The following ASXL3 variants were observed in gnomAD, a reference collection of about 807,000 sequenced individuals.
ASXL3 encodes ASXL transcriptional regulator 3.
Under a neutral mutation model 170.6 loss-of-function variants are expected in ASXL3, and 34 were observed. That is an observed-to-expected ratio of 0.20 (90% confidence interval 0.15 to 0.27). ASXL3 has a LOEUF of 0.27. Ranked by LOEUF, ASXL3 falls within the 10% of genes least tolerant of loss-of-function variation. ASXL3 has a pLI of 1.00. For missense variants in ASXL3, 2,592 were observed against 2,695.3 expected, an observed-to-expected ratio of 0.96 and a Z score of 0.85; for synonymous variants, 1,002 against 989.1, an observed-to-expected ratio of 1.01 and a Z score of -0.24.
intron 8 of ASXL3, among the ~76,000 whole-genome samples, chr18:33,720,491 T>C (rs538874989): frequency 1.3e-5 from 2 of 152,250 alleles, no homozygotes; most frequent in African/African-American, 4.8e-5. Context: ...CCCCCTCTGC[T>C]ACACACAGAG....
intron 8 of ASXL3, among the ~76,000 whole-genome samples, chr18:33,716,594 T>G (rs879177192): frequency 6.6e-6 from 1 of 152,104 alleles, no homozygotes. Context: ...GTGTAGGTGT[T>G]TGGGATTGGT....
chr18:33,591,620 G>A (rs2065077967), intron 1 of ASXL3, among the ~76,000 whole-genome samples: 2 of 150,652 alleles, frequency 1.3e-5, no homozygotes, highest in Admixed American at 6.6e-5. Context: ...ATTTCCTTTC[G>A]ATCTTCTAAT....
rs147397681 is a variant in ASXL3 at position 33,731,199 on chromosome 18, T to C, written c.880-769T>C. ...AGGTGAAAATGGAGTGTAGAAAAGA[T>C]CAAAAACAAACAAAAAAGTGAGGAT... On this transcript the variant is annotated intron_variant, in intron 8 of 11. Coordinates refer to ENST00000269197, the MANE Select transcript of ASXL3 (RefSeq NM_030632.3). 2.3e-3 allele frequency among the ~76,000 whole-genome samples: 299 copies of C among 127,338 alleles called. 1 individual carries two copies. Among genetic ancestry groups the C allele is most frequent in the African/African-American group, 7.0e-3 (266 of 38,078 alleles). The allele number at this position is 127,338 out of a possible 152,430, so 83.5% of individuals were successfully genotyped here.
intron 2 of ASXL3, among the ~76,000 whole-genome samples, chr18:33,632,668 G>A (rs1047548452): frequency 1.3e-5 from 2 of 152,068 alleles, no homozygotes; most frequent in Admixed American, 6.6e-5. Context: ...GTTTTGTTTT[G>A]TTTTTTGTCT....
In ASXL3 at chr18:33,578,307, A is replaced by T. The variant is rs954989809; in HGVS notation, c.-325A>T. The T allele has an allele frequency of 6.9e-6, 1 of 145,378 alleles. No individual in the cohort carries two copies. The allele number at this position is 145,378 out of a possible 1,614,324, so 9.0% of individuals were successfully genotyped here. A position where few individuals can be genotyped will look rare whatever the true frequency, so the allele number is the denominator to read the frequency against. On this transcript the variant is annotated 5_prime_UTR_variant, in exon 1 of 12. Coordinates refer to ENST00000269197, the MANE Select transcript of ASXL3 (RefSeq NM_030632.3). ...GGCGGTGGCGCAGCGCGAGCCCCGCACGAGCGAGCCCGGCCGGCGCCGCCC... is the reference window on the plus strand; with the variant it reads ...GGCGGTGGCGCAGCGCGAGCCCCGCTCGAGCGAGCCCGGCCGGCGCCGCCC...
intron 7 of ASXL3, among the ~76,000 whole-genome samples, chr18:33,679,361 C>G (rs191515036): frequency 9.9e-5 from 15 of 152,218 alleles, no homozygotes; most frequent in Admixed American, 9.2e-4. Context: ...CAGACACCTA[C>G]ATACCCAACA....
chr18:33,650,075 G>T (rs2065974175), intron 4 of ASXL3, among the ~76,000 whole-genome samples: 1 of 151,980 alleles, frequency 6.6e-6, no homozygotes, highest in African/African-American at 2.4e-5. Flanking sequence ...TTTCTTTTTT[G>T]CACAAAGATG....
At chr18:33,695,536 T>C (rs2066759044) in intron 8 of ASXL3, among the ~76,000 whole-genome samples, 1 of 152,134 alleles carries the variant, frequency 6.6e-6, no homozygotes, top group Admixed American at 6.6e-5. Flanking sequence ...CTTAGCTAAC[T>C]GATATTTAAC....
intron 1 of ASXL3, among the ~76,000 whole-genome samples, chr18:33,589,687 A>G (rs1321624822): frequency 1.3e-5 from 2 of 152,210 alleles, no homozygotes; most frequent in Admixed American, 1.3e-4. Context: ...ACTTAGTGTC[A>G]TAGCCTCCTT....
chr18:33,622,690 C>T (rs2065533441), intron 2 of ASXL3, among the ~76,000 whole-genome samples: 2 of 152,072 alleles, frequency 1.3e-5, no homozygotes, highest in Admixed American at 1.3e-4. Flanking sequence ...GTTCTTATCC[C>T]AGTGGTCTCA....
chr18:33,679,012 G>A (rs2066474160), intron 7 of ASXL3, among the ~76,000 whole-genome samples: 1 of 152,120 alleles, frequency 6.6e-6, no homozygotes, highest in East Asian at 1.9e-4. Context: ...TTTGAACCAT[G>A]CTAAATAATA....
Position 33,671,885 on chromosome 18 carries a change from A to G in ASXL3, c.715+19A>G, listed in dbSNP as rs1455361667. The G allele has an allele frequency of 4.0e-6, 6 of 1,496,764 alleles. No homozygotes were observed. The highest frequency in any genetic ancestry group is 4.8e-5 in the East Asian group (2 of 41,462). The allele number at this position is 1,496,764 out of a possible 1,614,324, so 92.7% of individuals were successfully genotyped here. A position where few individuals can be genotyped will look rare whatever the true frequency, so the allele number is the denominator to read the frequency against. ...GGTTTAGGTGAGTGTTTAATAGACT[A>G]TGCCATTTCACATTTTAGAAATTTG... is the stretch of plus-strand genomic sequence containing the variant. On this transcript the variant is annotated intron_variant, in intron 7 of 11. Coordinates refer to ENST00000269197, the MANE Select transcript of ASXL3 (RefSeq NM_030632.3).
chr18:33,678,075 T>G (rs968164841), intron 7 of ASXL3, among the ~76,000 whole-genome samples: 3 of 141,884 alleles, frequency 2.1e-5, no homozygotes, highest in Admixed American at 6.9e-5. Context: ...ATTTATGTAT[T>G]TATTATTTAT....
At chr18:33,683,852 A>G (rs1359318601) in intron 8 of ASXL3, among the ~76,000 whole-genome samples, 3 of 152,196 alleles carry the variant, frequency 2.0e-5, no homozygotes, top group Admixed American at 6.5e-5. Context: ...CCATTATCAA[A>G]TAAATCTTTA....
chr18:33,671,276 G>A (rs1599473335), intron 6 of ASXL3, among the ~76,000 whole-genome samples: 1 of 152,096 alleles, frequency 6.6e-6, no homozygotes, highest in Admixed American at 6.5e-5. Context: ...TTTACCTTGT[G>A]TCACTTTATC....
chr18:33,607,553 C>T, intron 1 of ASXL3, 41 bp from the exon 2 acceptor site: 1 of 1,421,326 alleles, frequency 7.0e-7, no homozygotes, highest in Non-Finnish European at 9.7e-7. Context: ...ATTTTGTATG[C>T]TGCCATGCAA....
intron 1 of ASXL3, among the ~76,000 whole-genome samples, chr18:33,598,626 G>A (rs1599380256): frequency 6.6e-6 from 1 of 152,254 alleles, no homozygotes; most frequent in East Asian, 1.9e-4. Flanking sequence ...TCTCATTTTT[G>A]AAGCATTTCA....
chr18:33,653,129 G>T (rs1025876832), intron 4 of ASXL3, among the ~76,000 whole-genome samples: 2 of 152,028 alleles, frequency 1.3e-5, no homozygotes, highest in Non-Finnish European at 2.9e-5. Context: ...TGTTTTGCTG[G>T]AGGTTTTACA....
At chr18:33,606,309 A>G (rs540083575) in intron 1 of ASXL3, among the ~76,000 whole-genome samples, 1 of 151,720 alleles carries the variant, frequency 6.6e-6, no homozygotes, top group South Asian at 2.1e-4. Context: ...TGTGGCTCAT[A>G]TTTCTGTATT....
Sources: allele counts gnomAD v4.1 joint callset (sites outside exome capture counted in the v4.1 genomes callset), GRCh38; gene constraint gnomAD v4.1.1; transcripts MANE v1.5; gene names NCBI Gene and HGNC (gene_info 2026-07-23, HGNC 2026-07-21).